Variants in MROH2A observed in about 807,000 individuals in gnomAD.
MROH2A encodes the protein maestro heat-like repeat-containing protein family member 2A.
MROH2A carries 174 observed loss-of-function variants against 200.4 expected under a neutral mutation model. The ratio of observed to expected loss-of-function variants is 0.87; its 90% confidence interval spans 0.77 to 0.98. The LOEUF is 0.98. Among genes scored for constraint, MROH2A ranks in the 50% least tolerant of loss-of-function variants. The probability of loss-of-function intolerance (pLI) is 0.00; values close to 1 mark genes in which losing one functional copy is unlikely to be tolerated. For synonymous variants in MROH2A, 829 were observed against 840.4 expected (o/e 0.99, Z 0.23); for missense variants, 2,045 against 2,139.6 (o/e 0.96, Z 0.87).
At chr2:233,787,450 T>C (rs1305003824) in intron 3 of MROH2A, among the ~76,000 whole-genome samples, 1 of 126,136 alleles carries the variant, frequency 7.9e-6, no homozygotes, top group Non-Finnish European at 1.6e-5. Flanking sequence ...TACATATACA[T>C]ATATATTATA....
At position 233,822,968 on chromosome 2, in the gene MROH2A, C is replaced by A. The variant is rs768871490; in HGVS notation, c.3954C>A (p.Asp1318Glu). The change falls in exon 34 of 42, where the codon GAC becomes GAA. Residue 1318 changes from aspartate to glutamate, a missense_variant. Around this residue, in one of 3 missense-constraint regions of MROH2A, gnomAD observed 1,201 missense variants for 1,311.3 expected, o/e 0.92. Coordinates refer to ENST00000389758, the MANE Select transcript of MROH2A (RefSeq NM_001394639.1). ...AHTLDEQAVW[D>E]LLQDGGTFLE... Reference sequence around the variant, plus strand: ...CCCTGGACGAGCAGGCAGTGTGGGACCTCCTGCAGGACGGCGGGACATTCC... The same window carrying A: ...CCCTGGACGAGCAGGCAGTGTGGGAACTCCTGCAGGACGGCGGGACATTCC... 1.9e-6 allele frequency: 3 copies of A among 1,550,594 alleles called. No homozygotes were observed. Among genetic ancestry groups the A allele is most frequent in the South Asian group, 2.4e-5 (2 of 84,068 alleles).
chr2:233,806,967 C>T (rs1449070051), intron 19 of MROH2A, among the ~76,000 whole-genome samples: 1 of 152,056 alleles, frequency 6.6e-6, no homozygotes, highest in African/African-American at 2.4e-5. Context: ...CCTGAGTCCG[C>T]AAAGTCCATT....
chr2:233,818,255 G>C, intron 28 of MROH2A, 130 bp downstream of exon 28: 6 of 1,158,158 alleles, frequency 5.2e-6, no homozygotes, highest in Non-Finnish European at 7.2e-6. Flanking sequence ...GACAAACACA[G>C]GTGACCATCA....
intron 3 of MROH2A, among the ~76,000 whole-genome samples, chr2:233,785,830 G>A (rs1195580497): frequency 2.6e-5 from 4 of 152,116 alleles, no homozygotes; most frequent in African/African-American, 4.8e-5. Context: ...GGAATACTGT[G>A]TTCAGGATGC....
At chr2:233,826,136 GA>G in intron 35 of MROH2A, among the ~76,000 whole-genome samples, 1 of 152,140 alleles carries the variant, frequency 6.6e-6, no homozygotes, top group South Asian at 2.1e-4. Flanking sequence ...TGTTGGCCAG[GA>G]TGGTCTCGAT....
Position 233,822,464 on chromosome 2 carries a change from A to T in MROH2A, c.3774A>T (p.Gly1258=), listed in dbSNP as rs760164391. The T allele has an allele frequency of 2.6e-6, 4 of 1,550,824 alleles. No individual in the cohort carries two copies. The highest frequency in any genetic ancestry group is 3.5e-6 in the Non-Finnish European group (4 of 1,147,052). The change falls in exon 33 of 42, where the codon GGA becomes GGT. Residue 1258 remains glycine (G), a synonymous_variant. Transcript: ENST00000389758. ...DLIYTLLLQL[G]SSHRPEAAPP... ...TCTACACCCTCCTGCTGCAGCTTGG[A>T]AGCAGCCACCGACCAGAGGCCGCCC...
chr2:233,819,563 G>T, intron 30 of MROH2A, 94 bp downstream of exon 30: 8 of 1,288,326 alleles, frequency 6.2e-6, no homozygotes, highest in Non-Finnish European at 8.4e-6. Flanking sequence ...ACCAGCACTC[G>T]CTGAGAATGC....
chr2:233,803,841 T>G (rs939375796), intron 16 of MROH2A, among the ~76,000 whole-genome samples: 1 of 152,192 alleles, frequency 6.6e-6, no homozygotes, highest in Non-Finnish European at 1.5e-5. Context: ...CATGTTGCAC[T>G]GAAGCCTGGG....
Position 233,822,419 on chromosome 2 carries a change from G to C in MROH2A, c.3729G>C (p.Pro1243=), listed in dbSNP as rs920089175. ...AGCTGGATGAGAATGACAAGCTCCC[G>C]GACTTCCTCCCTGACCTCATCTACA... The part of the protein sequence containing the change: ...IQKLDENDKL[P]DFLPDLIYTL... Residue 1243 remains proline (P), a synonymous_variant, in exon 33 of 42, where the codon CCG becomes CCC. Coordinates refer to ENST00000389758, the MANE Select transcript of MROH2A (RefSeq NM_001394639.1). 2.4e-5 allele frequency: 37 copies of C among 1,545,828 alleles called. No individual in the cohort carries two copies. The highest frequency in any genetic ancestry group is 3.1e-5 in the Non-Finnish European group (35 of 1,145,064).
At chr2:233,829,207 A>T (rs1704544391) in intron 37 of MROH2A, 135 bp downstream of exon 37, 2 of 829,142 alleles carry the variant, frequency 2.4e-6, no homozygotes, top group East Asian at 2.8e-5. Flanking sequence ...CTGGCTGATC[A>T]CGGGATCTTG....
rs189420231 is a variant in MROH2A at position 233,795,338 on chromosome 2, T to C, written c.967-315T>C. ...AGGAGTGGAAAGGGATGTGACTGAT[T>C]TAGGAGCCATCTGTAGATCATTCTG... On this transcript the variant is annotated intron_variant, in intron 8 of 41. Transcript: ENST00000389758. Among the ~76,000 whole-genome samples the C allele has an allele frequency of 7.6e-4, 115 of 152,222 alleles. No individual in the cohort carries two copies. The East Asian group carries it at 0.011, about 15-fold the overall frequency.
chr2:233,831,343 G>C, intron 38 of MROH2A, 66 bp from the exon 39 acceptor site: 2 of 1,472,684 alleles, frequency 1.4e-6, no homozygotes, highest in Middle Eastern at 3.6e-4. Flanking sequence ...CTTCCTGCCA[G>C]CCTCACCCCT....
chr2:233,792,789 C>A lies in MROH2A; in HGVS notation c.572-7C>A. On this transcript the variant is annotated splice_region_variant and splice_polypyrimidine_tract_variant and intron_variant, in intron 5 of 41. Coordinates refer to ENST00000389758, the MANE Select transcript of MROH2A (RefSeq NM_001394639.1). ...ACTTCCTGTAATCATCCCTCACAAC[C>A]TCACAGTGTTTGAGTTCATGCCATA... The A allele has an allele frequency of 6.6e-7, 1 of 1,514,450 alleles. No homozygotes were observed. The highest frequency in any genetic ancestry group is 2.5e-5 in the East Asian group (1 of 40,708). 93.8% of individuals were successfully genotyped at this position (1,514,450 alleles called of 1,614,324 possible). A position where few individuals can be genotyped will look rare whatever the true frequency, so the allele number is the denominator to read the frequency against.
In MROH2A at chr2:233,829,682, G is replaced by A; in HGVS notation, c.4509G>A (p.Gly1503=). The A allele has an allele frequency of 4.0e-6, 6 of 1,493,930 alleles. No homozygotes were observed. The highest frequency in any genetic ancestry group is 5.4e-6 in the Non-Finnish European group (6 of 1,119,072). The allele number at this position is 1,493,930 out of a possible 1,614,324, so 92.5% of individuals were successfully genotyped here. Residue 1503 remains glycine (G), a synonymous_variant, in exon 38 of 42, where the codon GGG becomes GGA. Coordinates refer to ENST00000389758, the MANE Select transcript of MROH2A (RefSeq NM_001394639.1). ...ILFGKLARVV[G]MSKKHFFKGE... ...TTGGAAAGCTGGCAAGGGTGGTCGGGATGTCCAAGAAGCATTTCTTCAAAG... is the reference window on the plus strand; with the variant it reads ...TTGGAAAGCTGGCAAGGGTGGTCGGAATGTCCAAGAAGCATTTCTTCAAAG...
intron 29 of MROH2A, 59 bp from the exon 30 acceptor site, chr2:233,819,258 A>T: frequency 6.7e-7 from 1 of 1,490,070 alleles, no homozygotes. Flanking sequence ...GGGAGGAGAG[A>T]GTGTCAGCAG....
intron 38 of MROH2A, 69 bp from the exon 39 acceptor site, chr2:233,831,340 C>A: frequency 6.8e-7 from 1 of 1,461,818 alleles, no homozygotes; most frequent in Admixed American, 2.6e-5. Context: ...TGGCTTCCTG[C>A]CAGCCTCACC....
chr2:233,800,273 C>T lies in MROH2A; in HGVS notation c.1518C>T (p.Asp506=), dbSNP rs1702377294. The change falls in exon 14 of 42, where the codon GAC becomes GAT. Residue 506 remains aspartate, a synonymous_variant. Transcript: ENST00000389758. ...EERMVHKVTM[D]TVKIITSSVS... is the part of the protein sequence containing the mutation. ...GGATGGTCCACAAAGTCACCATGGA[C>T]ACTGTGAAGATCATTACCTCTTCTG... is the stretch of plus-strand genomic sequence containing the variant. 1 of 1,550,228 alleles carries T rather than the reference C, an allele frequency of 6.5e-7. No individual in the cohort carries two copies. The highest frequency in any genetic ancestry group is 8.7e-7 in the Non-Finnish European group (1 of 1,146,796).
chr2:233,796,945 A>G (rs998425906), intron 11 of MROH2A, among the ~76,000 whole-genome samples: 1 of 152,264 alleles, frequency 6.6e-6, no homozygotes, highest in African/African-American at 2.4e-5. Context: ...CATTTAAGCA[A>G]CAATGAAATC....
chr2:233,830,801 T>C (rs1704681778), intron 38 of MROH2A, among the ~76,000 whole-genome samples: 1 of 152,162 alleles, frequency 6.6e-6, no homozygotes, highest in East Asian at 1.9e-4. Flanking sequence ...GGGCACAAGG[T>C]GTCACTGCCC....
Sources: gnomAD v4.1 joint callset for allele counts (sites outside exome capture counted in the v4.1 genomes callset) on GRCh38, gnomAD v4.1.1 for gene constraint, gnomAD v4.1.1 regional missense constraint, MANE v1.5 for transcripts, NCBI Gene and HGNC (gene_info 2026-07-23, HGNC 2026-07-21) for gene names.